The following PATJ variants were observed in gnomAD, a reference collection of about 807,000 sequenced individuals.
The protein encoded by PATJ is inaD-like protein.
In PATJ, 190 loss-of-function variants were observed where a neutral mutation model predicts 224.9. The observed-to-expected ratio is 0.84, with a 90% CI of 0.75 to 0.95. The LOEUF is 0.95. PATJ is among the 40% of genes least tolerant of loss of function. PATJ has a pLI of 0.00. For synonymous variants in PATJ, 769 were observed against 820.3 expected (o/e 0.94, Z 1.07); for missense variants, 2,121 against 2,270.3 (o/e 0.93, Z 1.34).
At chr1:62,113,743 A>G (rs925849273) in intron 34 of PATJ, among the ~76,000 whole-genome samples, 28 of 152,342 alleles carry the variant, frequency 1.8e-4, no homozygotes, top group Non-Finnish European at 3.7e-4. Flanking sequence ...ATCTCAATTA[A>G]ATGAGCTAGT....
chr1:62,136,164 C>G (rs1300106896), intron 41 of PATJ, among the ~76,000 whole-genome samples: 1 of 151,522 alleles, frequency 6.6e-6, no homozygotes, highest in Non-Finnish European at 1.5e-5. Context: ...AGTAGCTGAG[C>G]TGGGATTACA....
chr1:61,787,872 T>G lies in PATJ; in HGVS notation c.968T>G (p.Leu323Arg). Residue 323 changes from leucine to arginine, a missense_variant, in exon 8 of 44, where the codon CTC becomes CGC. Physicochemically the swap from Leu to Arg is moderately radical, Grantham distance 102. Transcript: ENST00000642238. Reference sequence around the variant, plus strand: ...AACTGTGGGAATTCAGTCAGGATGCTCGTTGCTAGAGATCCAGCTGGTGAC... The same window carrying G: ...AACTGTGGGAATTCAGTCAGGATGCGCGTTGCTAGAGATCCAGCTGGTGAC... ...LRNCGNSVRMLVARDPAGDIS... is the reference protein window; with the variant it reads ...LRNCGNSVRMRVARDPAGDIS... The G allele has an allele frequency of 6.2e-7, 1 of 1,614,146 alleles. No individual in the cohort carries two copies. Among genetic ancestry groups the G allele is most frequent in the Non-Finnish European group, 8.5e-7 (1 of 1,180,008 alleles).
rs1343408400 is a variant in PATJ, at chr1:61,825,533, C to T, written c.1819-1889C>T. Among the ~76,000 whole-genome samples, 3 of 151,992 alleles carry T rather than the reference C, an allele frequency of 2.0e-5. No homozygotes were observed. The East Asian group carries it at 5.8e-4, about 29-fold the overall frequency. On this transcript the variant is annotated intron_variant, in intron 15 of 43. Transcript: ENST00000642238. ...TGTGTGTGTGTGTGTTTAATGTACT[C>T]CTTGGAACTTAAAACCAGAAACACA...
At chr1:61,883,800 T>C (rs10789099) in intron 21 of PATJ, among the ~76,000 whole-genome samples, 128,306 of 143,296 alleles carry the variant, frequency 0.9, 57,569 homozygotes, top group Admixed American at 0.92. Flanking sequence ...TTCTGAAATT[T>C]ATAAACAAAA....
At chr1:61,746,069 C>T (rs1466504896) in intron 1 of PATJ, among the ~76,000 whole-genome samples, 1 of 151,270 alleles carries the variant, frequency 6.6e-6, no homozygotes, top group Admixed American at 6.6e-5. Context: ...GTCACAACCT[C>T]AGGTGTGCGC....
chr1:62,064,527 T>G (rs1656070404), intron 31 of PATJ, among the ~76,000 whole-genome samples: 1 of 152,150 alleles, frequency 6.6e-6, no homozygotes, highest in African/African-American at 2.4e-5. Context: ...AGATGAGGTT[T>G]CACCATGTTG....
At chr1:61,820,608 T>C (rs970700258) in intron 14 of PATJ, among the ~76,000 whole-genome samples, 13 of 152,206 alleles carry the variant, frequency 8.5e-5, no homozygotes, top group African/African-American at 3.1e-4. Context: ...TCCCAAAGTG[T>C]TGGGATTAAA....
chr1:62,146,336 CAA>C (rs1344327925), intron 41 of PATJ, among the ~76,000 whole-genome samples: 1 of 152,140 alleles, frequency 6.6e-6, no homozygotes, highest in Non-Finnish European at 1.5e-5. Flanking sequence ...AGTGATGGTC[CAA>C]GAGAGTCGAG....
chr1:61,857,300 A>G (rs966398969), intron 18 of PATJ, among the ~76,000 whole-genome samples: 10 of 152,230 alleles, frequency 6.6e-5, no homozygotes, highest in Admixed American at 2.6e-4. Context: ...CTTATTAACT[A>G]TTAACTAACC....
intron 27 of PATJ, among the ~76,000 whole-genome samples, chr1:61,975,742 A>G (rs773423862): frequency 2.6e-5 from 4 of 152,022 alleles, no homozygotes; most frequent in Non-Finnish European, 5.9e-5. Flanking sequence ...TGGTCCTAGC[A>G]GGAGTTTCAG....
At chr1:61,789,662 G>A (rs1319730973) in intron 8 of PATJ, among the ~76,000 whole-genome samples, 2 of 151,784 alleles carry the variant, frequency 1.3e-5, no homozygotes, top group African/African-American at 4.8e-5. Context: ...AAATACAAAG[G>A]TTAGCCAGGA....
intron 31 of PATJ, among the ~76,000 whole-genome samples, chr1:62,078,052 A>G (rs1333816301): frequency 6.6e-6 from 1 of 152,216 alleles, no homozygotes; most frequent in Non-Finnish European, 1.5e-5. Context: ...ATTGAGGCAC[A>G]GCTTTCCACT....
intron 6 of PATJ, among the ~76,000 whole-genome samples, chr1:61,772,621 T>C (rs893932875): frequency 9.2e-5 from 14 of 152,208 alleles, no homozygotes; most frequent in African/African-American, 3.1e-4. Context: ...CAAAAATTAA[T>C]GTATAGGCAT....
At chr1:62,039,944 T>TG in intron 30 of PATJ, among the ~76,000 whole-genome samples, 1 of 150,196 alleles carries the variant, frequency 6.7e-6, no homozygotes, top group Non-Finnish European at 1.5e-5. Context: ...GGTTGGGGGG[T>TG]GGGGGCCCAT....
At chr1:62,067,878 G>A (rs1216078948) in intron 31 of PATJ, among the ~76,000 whole-genome samples, 1 of 152,168 alleles carries the variant, frequency 6.6e-6, no homozygotes, top group African/African-American at 2.4e-5. Context: ...TCAGCTCACT[G>A]CAACTTCTGC....
At chr1:61,839,380 T>C (rs1158202364) in intron 17 of PATJ, among the ~76,000 whole-genome samples, 3 of 152,114 alleles carry the variant, frequency 2.0e-5, no homozygotes, top group Non-Finnish European at 2.9e-5. Context: ...CTCATATGCA[T>C]TGTGTAAGAG....
chr1:61,903,277 A>G (rs1369010859), intron 24 of PATJ, among the ~76,000 whole-genome samples: 1 of 152,226 alleles, frequency 6.6e-6, no homozygotes, highest in Non-Finnish European at 1.5e-5. Context: ...AGGTTGTGGT[A>G]TATTTTGCAG....
At chr1:61,993,230 A>G (rs1645167285) in intron 28 of PATJ, among the ~76,000 whole-genome samples, 1 of 152,168 alleles carries the variant, frequency 6.6e-6, no homozygotes, top group African/African-American at 2.4e-5. Flanking sequence ...GAAACAATTT[A>G]CTTATATTTA....
chr1:62,136,218 GA>G (rs1441899937), intron 41 of PATJ, among the ~76,000 whole-genome samples: 1 of 151,696 alleles, frequency 6.6e-6, no homozygotes, highest in Non-Finnish European at 1.5e-5. Flanking sequence ...TTTTTGTAGA[GA>G]TGGGGTTTCT....
Sources: gnomAD v4.1 joint callset for allele counts (sites outside exome capture counted in the v4.1 genomes callset) on GRCh38, gnomAD v4.1.1 for gene constraint, MANE v1.5 for transcripts, NCBI Gene and HGNC (gene_info 2026-07-23, HGNC 2026-07-21) for gene names.